Variants in TBC1D12 observed in about 807,000 individuals in gnomAD.
The protein encoded by TBC1D12 is TBC1 domain family member 12, also known as TBC1 domain family, member 12.
In TBC1D12, 56 loss-of-function variants were observed where a neutral mutation model predicts 86.7. That is an observed-to-expected ratio of 0.65 (90% CI 0.52 to 0.81). The LOEUF is 0.81. Ranked by LOEUF, TBC1D12 falls within the 30% of genes least tolerant of loss-of-function variation. TBC1D12 has a pLI of 0.00. For synonymous variants in TBC1D12, 421 were observed against 411.7 expected (o/e 1.02, Z -0.27); for missense variants, 1,023 against 1,038.8 (o/e 0.98, Z 0.21).
chr10:94,431,114 A>G (rs539382235), intron 1 of TBC1D12, among the ~76,000 whole-genome samples: 4 of 152,262 alleles, frequency 2.6e-5, no homozygotes, highest in African/African-American at 9.6e-5. Flanking sequence ...CACAGAATGA[A>G]GAAAGAAAAC....
At chr10:94,473,088 C>T (rs1475319749) in intron 2 of TBC1D12, among the ~76,000 whole-genome samples, 1 of 152,070 alleles carries the variant, frequency 6.6e-6, no homozygotes, top group Non-Finnish European at 1.5e-5. Context: ...GGCACGGTGG[C>T]TCACGCCTGT....
chr10:94,419,638 T>C (rs1274069117), intron 1 of TBC1D12, among the ~76,000 whole-genome samples: 1 of 151,976 alleles, frequency 6.6e-6, no homozygotes, highest in Non-Finnish European at 1.5e-5. Flanking sequence ...CACTGCACTC[T>C]AGCCTGGGCG....
chr10:94,491,358 T>C (rs1371821904), intron 3 of TBC1D12, among the ~76,000 whole-genome samples: 2 of 152,224 alleles, frequency 1.3e-5, no homozygotes, highest in Non-Finnish European at 2.9e-5. Context: ...CACTAGCCTG[T>C]TGAAAAGAAA....
intron 8 of TBC1D12, 48 bp from the exon 9 acceptor site, chr10:94,511,535 T>G: frequency 8.5e-7 from 1 of 1,181,726 alleles, no homozygotes; most frequent in Non-Finnish European, 1.3e-6. Flanking sequence ...AAAATTAACT[T>G]AGAGAAAATT....
intron 2 of TBC1D12, among the ~76,000 whole-genome samples, chr10:94,462,228 T>C (rs2055740333): frequency 6.6e-6 from 1 of 152,218 alleles, no homozygotes; most frequent in South Asian, 2.1e-4. Flanking sequence ...CTTCCTTGAA[T>C]GTTTGACAGA....
In TBC1D12 at chr10:94,417,997, G is replaced by A. The variant is rs189570055; in HGVS notation, c.971+14413G>A. ...TCTTGATCTCCTGACCTCGTGATCC[G>A]CCCACCTCGGTCTCCCAAAGTGCGG... On this transcript the variant is annotated intron_variant, in intron 1 of 12. Coordinates refer to ENST00000225235, the MANE Select transcript of TBC1D12 (RefSeq NM_015188.2). Among the ~76,000 whole-genome samples the A allele has an allele frequency of 2.6e-5, 4 of 152,020 alleles. No individual in the cohort carries two copies. In the East Asian group the frequency reaches 7.7e-4, roughly 29 times the overall value.
chr10:94,497,016 C>A, intron 4 of TBC1D12, 39 bp from the exon 5 acceptor site: 1 of 1,266,164 alleles, frequency 7.9e-7, no homozygotes, highest in Non-Finnish European at 1.1e-6. Flanking sequence ...TTTGATCTAG[C>A]TTATTTGTAT....
intron 6 of TBC1D12, among the ~76,000 whole-genome samples, chr10:94,503,856 C>A (rs1056597964): frequency 1.3e-5 from 2 of 152,166 alleles, no homozygotes; most frequent in African/African-American, 4.8e-5. Flanking sequence ...AACTCTTGAC[C>A]TCCAGTGATA....
chr10:94,467,642 G>C (rs1172599454), intron 2 of TBC1D12, among the ~76,000 whole-genome samples: 1 of 136,366 alleles, frequency 7.3e-6, no homozygotes, highest in Non-Finnish European at 1.6e-5. Flanking sequence ...AAATGAATCT[G>C]GCCACTCCCC....
chr10:94,491,851 T>C lies in TBC1D12; in HGVS notation c.1212-1514T>C, dbSNP rs529326810. Among the ~76,000 whole-genome samples, 27 of 134,210 alleles carry C rather than the reference T, an allele frequency of 2.0e-4. 2 individuals carry two copies. The highest frequency in any genetic ancestry group is 2.0e-3 in the Admixed American group (26 of 13,132). 88.0% of individuals were successfully genotyped at this position (134,210 alleles called of 152,430 possible). A position where few individuals can be genotyped will look rare whatever the true frequency, so the allele number is the denominator to read the frequency against. On this transcript the variant is annotated intron_variant, in intron 3 of 12. Coordinates refer to ENST00000225235, the MANE Select transcript of TBC1D12 (RefSeq NM_015188.2). ...AGAGTAGTGGTGCTGACAATTCAGATATGCCAAAGAGAAGCTGTAAAGTTC... is the reference window on the plus strand; with the variant it reads ...AGAGTAGTGGTGCTGACAATTCAGACATGCCAAAGAGAAGCTGTAAAGTTC...
chr10:94,513,114 G>T (rs1442435076), intron 9 of TBC1D12, among the ~76,000 whole-genome samples: 2 of 152,116 alleles, frequency 1.3e-5, no homozygotes, highest in Non-Finnish European at 2.9e-5. Context: ...GGGCATGGTG[G>T]CACGCGCCTG....
intron 8 of TBC1D12, 31 bp downstream of exon 8, chr10:94,510,210 T>C: frequency 1.4e-6 from 2 of 1,471,268 alleles, no homozygotes; most frequent in Non-Finnish European, 1.8e-6. Context: ...TGTAATTACT[T>C]AAAAAAAATC....
chr10:94,488,093 AC>A (rs1382249971), intron 3 of TBC1D12, among the ~76,000 whole-genome samples: 1 of 151,818 alleles, frequency 6.6e-6, no homozygotes, highest in East Asian at 1.9e-4. Flanking sequence ...TAATCTTTCT[AC>A]TTAAGAGTAG....
chr10:94,465,789 T>TGC (rs1360283229), intron 2 of TBC1D12, among the ~76,000 whole-genome samples: 3 of 143,020 alleles, frequency 2.1e-5, no homozygotes, highest in Non-Finnish European at 3.0e-5. Flanking sequence ...CATACATACA[T>TGC]ATACGCATAC....
intron 7 of TBC1D12, among the ~76,000 whole-genome samples, chr10:94,508,244 C>T (rs2056484829): frequency 6.8e-6 from 1 of 148,006 alleles, no homozygotes; most frequent in East Asian, 2.0e-4. Flanking sequence ...TATACTCTCT[C>T]TTTTTTTTTT....
intron 2 of TBC1D12, among the ~76,000 whole-genome samples, chr10:94,454,398 A>G (rs892541034): frequency 5.3e-5 from 8 of 152,128 alleles, no homozygotes; most frequent in African/African-American, 1.9e-4. Flanking sequence ...TTTAGTAGAG[A>G]CAGGGTTTCT....
chr10:94,498,707 T>C (rs2056355474), intron 5 of TBC1D12, among the ~76,000 whole-genome samples: 1 of 152,002 alleles, frequency 6.6e-6, no homozygotes, highest in Admixed American at 6.6e-5. Context: ...CAGCCTGCCT[T>C]GACTTCCCAA....
At chr10:94,498,814 G>A (rs1389931044) in intron 5 of TBC1D12, among the ~76,000 whole-genome samples, 11 of 151,926 alleles carry the variant, frequency 7.2e-5, no homozygotes, top group African/African-American at 2.4e-4. Context: ...TGTTGCCCAG[G>A]CTGGGGTGTA....
chr10:94,421,274 T>C (rs543360387), intron 1 of TBC1D12, among the ~76,000 whole-genome samples: 1 of 152,328 alleles, frequency 6.6e-6, no homozygotes, highest in African/African-American at 2.4e-5. Context: ...AGTGAGATCA[T>C]GTGGTATTTG....
Sources: gnomAD v4.1 joint callset for allele counts (sites outside exome capture counted in the v4.1 genomes callset) on GRCh38, gnomAD v4.1.1 for gene constraint, MANE v1.5 for transcripts, NCBI Gene and HGNC (gene_info 2026-07-23, HGNC 2026-07-21) for gene names.